The following CPA6 variants were observed in gnomAD, a reference collection of about 807,000 sequenced individuals.
The protein encoded by CPA6 is carboxypeptidase B.
A neutral mutation model predicts 63.3 loss-of-function variants in CPA6; 58 were observed. The observed-to-expected ratio is 0.92, with a 90% CI of 0.74 to 1.14. The LOEUF (loss-of-function observed/expected upper bound fraction) is 1.14, where lower values mean the gene tolerates loss of function less well. Ranked by LOEUF, CPA6 falls within the 50% of genes most tolerant of loss-of-function variation. The pLI is 0.00. For missense variants in CPA6, 565 were observed against 526.6 expected (o/e 1.07, Z -0.71); for synonymous variants, 185 against 179.0 (o/e 1.03, Z -0.27).
In CPA6 at chr8:67,722,680, T is replaced by C. The variant is rs575992569; in HGVS notation, c.116+23334A>G. Among the ~76,000 whole-genome samples, 10 of 152,266 alleles carry C rather than the reference T, an allele frequency of 6.6e-5. No homozygotes were observed. In the South Asian group the frequency reaches 2.1e-3, roughly 32 times the overall value. On this transcript the variant is annotated intron_variant, in intron 1 of 10. Transcript: ENST00000297770. Reference sequence around the variant, plus strand: ...TAGGGGAAAGATTATCCTTTTGCCCTATGATACCCTTATTTCAGGGACATT... The same window carrying C: ...TAGGGGAAAGATTATCCTTTTGCCCCATGATACCCTTATTTCAGGGACATT...
At chr8:67,648,096 C>G (rs536696968) in intron 1 of CPA6, among the ~76,000 whole-genome samples, 33 of 152,128 alleles carry the variant, frequency 2.2e-4, no homozygotes, top group Admixed American at 6.5e-4. Context: ...GTTCCTTTGG[C>G]CCCTATAGGG....
intron 2 of CPA6, among the ~76,000 whole-genome samples, chr8:67,550,421 A>G (rs1812914888): frequency 2.6e-5 from 4 of 152,008 alleles, no homozygotes; most frequent in Non-Finnish European, 4.4e-5. Flanking sequence ...TATGTACCAC[A>G]TTTTCTTTAT....
chr8:67,721,304 T>C (rs1029002096), intron 1 of CPA6, among the ~76,000 whole-genome samples: 1 of 152,358 alleles, frequency 6.6e-6, no homozygotes, highest in African/African-American at 2.4e-5. Flanking sequence ...TCAGTCTTTC[T>C]AAAAGGTTCC....
chr8:67,463,077 G>A (rs542791838), intron 8 of CPA6, among the ~76,000 whole-genome samples: 1 of 152,052 alleles, frequency 6.6e-6, no homozygotes, highest in African/African-American at 2.4e-5. Flanking sequence ...TTGGTTATTT[G>A]GCTAACCACT....
At chr8:67,656,657 G>A (rs1815992580) in intron 1 of CPA6, among the ~76,000 whole-genome samples, 1 of 152,190 alleles carries the variant, frequency 6.6e-6, no homozygotes. Flanking sequence ...ATCTATAAAA[G>A]GGTGTAAACT....
chr8:67,593,655 CT>C (rs1280869916), intron 2 of CPA6, among the ~76,000 whole-genome samples: 2 of 151,984 alleles, frequency 1.3e-5, no homozygotes, highest in Admixed American at 6.6e-5. Flanking sequence ...TTCTTTGTCT[CT>C]TTTGATCTTT....
chr8:67,723,529 C>T (rs772145919), intron 1 of CPA6, among the ~76,000 whole-genome samples: 8 of 152,148 alleles, frequency 5.3e-5, no homozygotes, highest in Non-Finnish European at 5.9e-5. Flanking sequence ...ACAATTTGAC[C>T]TTCTCTGGCA....
chr8:67,573,057 T>G (rs1252862971), intron 2 of CPA6, among the ~76,000 whole-genome samples: 2 of 152,244 alleles, frequency 1.3e-5, no homozygotes, highest in African/African-American at 4.8e-5. Flanking sequence ...AAAATGCATT[T>G]GACAAAATTC....
At chr8:67,434,611 T>C (rs112871686) in intron 8 of CPA6, among the ~76,000 whole-genome samples, 2,243 of 152,368 alleles carry the variant, frequency 0.015, 53 homozygotes, top group African/African-American at 0.051. Flanking sequence ...GAAAAGGCTA[T>C]GCTGCCTACA....
chr8:67,693,377 G>A (rs537250593), intron 1 of CPA6, among the ~76,000 whole-genome samples: 2 of 152,178 alleles, frequency 1.3e-5, no homozygotes, highest in Non-Finnish European at 2.9e-5. Context: ...GAACATACTC[G>A]GGTTGACCAC....
intron 6 of CPA6, among the ~76,000 whole-genome samples, chr8:67,497,589 A>G (rs1811746510): frequency 6.6e-6 from 1 of 152,182 alleles, no homozygotes; most frequent in East Asian, 1.9e-4. Flanking sequence ...TCTCTTGGGT[A>G]CACACATAGG....
intron 1 of CPA6, among the ~76,000 whole-genome samples, chr8:67,678,029 G>T (rs1029310910): frequency 3.3e-5 from 5 of 151,966 alleles, no homozygotes; most frequent in South Asian, 4.2e-4. Context: ...TGAGGTTAGG[G>T]GTTCAGGACC....
intron 8 of CPA6, among the ~76,000 whole-genome samples, chr8:67,434,872 C>A (rs1427085289): frequency 6.6e-6 from 1 of 152,238 alleles, no homozygotes; most frequent in East Asian, 1.9e-4. Context: ...CACCCTTACC[C>A]CTCCTGACCC....
intron 2 of CPA6, among the ~76,000 whole-genome samples, chr8:67,571,867 CA>C (rs1239247470): frequency 6.6e-6 from 1 of 151,578 alleles, no homozygotes; most frequent in African/African-American, 2.4e-5. Flanking sequence ...ACTAGAAAAA[CA>C]ATATGGAAGA....
At chr8:67,638,027 G>T (rs1487516639) in intron 1 of CPA6, among the ~76,000 whole-genome samples, 2 of 151,174 alleles carry the variant, frequency 1.3e-5, no homozygotes, top group Middle Eastern at 6.8e-3. Context: ...ATGTGTGTTT[G>T]TGTATGTGGT....
intron 2 of CPA6, among the ~76,000 whole-genome samples, chr8:67,541,375 C>A (rs889694737): frequency 6.6e-6 from 1 of 152,120 alleles, no homozygotes; most frequent in Non-Finnish European, 1.5e-5. Context: ...CACAAGCAGA[C>A]AGCCCAGCAC....
chr8:67,459,136 A>T (rs921356354), intron 8 of CPA6, among the ~76,000 whole-genome samples: 1 of 152,198 alleles, frequency 6.6e-6, no homozygotes, highest in East Asian at 1.9e-4. Flanking sequence ...AAAATTATTT[A>T]AAAATTTTTA....
chr8:67,629,889 G>A (rs1319602221), intron 1 of CPA6, among the ~76,000 whole-genome samples: 1 of 151,896 alleles, frequency 6.6e-6, no homozygotes, highest in Non-Finnish European at 1.5e-5. Flanking sequence ...GGTGGATCAC[G>A]AGGTCAGGAG....
At chr8:67,498,950 A>T (rs908948637) in intron 6 of CPA6, among the ~76,000 whole-genome samples, 10 of 152,220 alleles carry the variant, frequency 6.6e-5, no homozygotes, top group Non-Finnish European at 1.2e-4. Flanking sequence ...ACTAAAACCC[A>T]TAAGTTTTGT....
Sources: gnomAD v4.1 joint callset for allele counts (sites outside exome capture counted in the v4.1 genomes callset) on GRCh38, gnomAD v4.1.1 for gene constraint, MANE v1.5 for transcripts, NCBI Gene and HGNC (gene_info 2026-07-23, HGNC 2026-07-21) for gene names.